ZNF544: variants seen among roughly 807,000 people sequenced by gnomAD.
ZNF544 encodes zinc finger protein 544.
A neutral mutation model predicts 13.5 loss-of-function variants in ZNF544; 10 were observed. The ratio of observed to expected loss-of-function variants is 0.74; its 90% CI spans 0.46 to 1.25. The LOEUF (loss-of-function observed/expected upper bound fraction) is 1.25. Among genes scored for constraint, ZNF544 ranks in the 50% most tolerant of loss-of-function variants. ZNF544 has a pLI of 0.00. For missense variants in ZNF544, 896 were observed against 845.6 expected, an observed-to-expected ratio of 1.06 and a Z score of -0.74; for synonymous variants, 323 against 300.5, an observed-to-expected ratio of 1.07 and a Z score of -0.77.
intron 5 of ZNF544, among the ~76,000 whole-genome samples, chr19:58,275,454 C>CT (rs2051139175): frequency 6.6e-6 from 1 of 151,938 alleles, no homozygotes; most frequent in African/African-American, 2.4e-5. Flanking sequence ...CTGACCCACA[C>CT]TTTAAGAACT....
chr19:58,276,392 G>A, exon 6 of ZNF544: 1 of 1,231,660 alleles, frequency 8.1e-7, no homozygotes, highest in Middle Eastern at 3.1e-4. Context: ...CTGGAAGGCT[G>A]CCTGATCCAG....
At chr19:58,270,754 G>T (rs1217488310) in intron 5 of ZNF544, among the ~76,000 whole-genome samples, 4 of 152,166 alleles carry the variant, frequency 2.6e-5, no homozygotes, top group Non-Finnish European at 5.9e-5. Flanking sequence ...AGTAGTAGTG[G>T]AGAGTAGAGG....
intron 6 of ZNF544, among the ~76,000 whole-genome samples, chr19:58,253,641 T>C (rs572610504): frequency 2.7e-4 from 41 of 152,044 alleles, no homozygotes; most frequent in Non-Finnish European, 5.3e-4. Flanking sequence ...GTTTTCACTG[T>C]GTTAGCCAAG....
intron 6 of ZNF544, chr19:58,257,467 A>T (rs548448993): frequency 1.3e-5 from 2 of 152,320 alleles, no homozygotes; most frequent in Non-Finnish European, 2.9e-5. Context: ...GTGGAAGGTG[A>T]CCAAGCAGAG....
intron 6 of ZNF544, among the ~76,000 whole-genome samples, chr19:58,249,218 C>A (rs1351980782): frequency 2.0e-5 from 3 of 152,106 alleles, no homozygotes; most frequent in African/African-American, 7.2e-5. Flanking sequence ...ACCTCATTTC[C>A]CCCCGAAAGA....
rs988171823 is a variant in ZNF544 at position 58,255,278 on chromosome 19, C to T, written c.245-5573C>T. 2.0e-5 allele frequency among the ~76,000 whole-genome samples: 3 copies of T among 152,044 alleles called. No individual in the cohort carries two copies. In the South Asian group the frequency reaches 6.2e-4, roughly 32 times the overall value. Reference sequence around the variant, plus strand: ...GCAACCTCCGCCTCCCGAGTTCAAGCAGTTCTCCTGCCTCAGCCTCCTGAG... The same window carrying T: ...GCAACCTCCGCCTCCCGAGTTCAAGTAGTTCTCCTGCCTCAGCCTCCTGAG... On this transcript the variant is annotated intron_variant, in intron 6 of 6. Transcript: ENST00000687789.
At chr19:58,246,637 G>A (rs1054721273) in intron 5 of ZNF544, 74 bp from the exon 6 acceptor site, 18 of 1,561,300 alleles carry the variant, frequency 1.2e-5, no homozygotes, top group Non-Finnish European at 1.6e-5. Context: ...AGCACTAGGG[G>A]CTGAAGCTTG....
At chr19:58,269,252 T>C (rs1042429932) in intron 5 of ZNF544, among the ~76,000 whole-genome samples, 16 of 150,972 alleles carry the variant, frequency 1.1e-4, no homozygotes, top group African/African-American at 2.2e-4. Flanking sequence ...CTGGCCGACA[T>C]TGTGAAACCT....
Position 58,262,723 on chromosome 19 carries a change from A to G in ZNF544, c.2117A>G (p.His706Arg), listed in dbSNP as rs748807394. ...CGGCAGCAATCTCAACTTGTAGTGCATCGGCGGACACATACTGGAGAGAAA... is the reference window on the plus strand; with the variant it reads ...CGGCAGCAATCTCAACTTGTAGTGCGTCGGCGGACACATACTGGAGAGAAA... ...SFRQQSQLVV[H>R]RRTHTGEKP is the part of the protein sequence containing the mutation. The change falls in exon 7 of 7, where the codon CAT (histidine) becomes CGT (arginine). Residue 706 changes from histidine to arginine, a missense_variant. His to Arg is a conservative substitution (Grantham distance 29). Coordinates refer to ENST00000687789, the MANE Select transcript of ZNF544 (RefSeq NM_014480.4). The G allele has an allele frequency of 6.2e-7, 1 of 1,608,188 alleles. No homozygotes were observed. Among genetic ancestry groups the G allele is most frequent in the Admixed American group, 1.7e-5 (1 of 59,756 alleles).
At chr19:58,240,694 G>A (rs1425874353) in intron 3 of ZNF544, among the ~76,000 whole-genome samples, 4 of 151,690 alleles carry the variant, frequency 2.6e-5, no homozygotes, top group African/African-American at 4.8e-5. Context: ...CCTGGGAGGC[G>A]GAGGTTGCAG....
At chr19:58,273,497 T>G (rs1181111769) in intron 5 of ZNF544, among the ~76,000 whole-genome samples, 1 of 151,882 alleles carries the variant, frequency 6.6e-6, no homozygotes, top group Non-Finnish European at 1.5e-5. Flanking sequence ...GAGACCCGCC[T>G]GGCCAACAGG....
At chr19:58,249,990 T>A (rs530248291) in intron 6 of ZNF544, among the ~76,000 whole-genome samples, 2 of 152,302 alleles carry the variant, frequency 1.3e-5, no homozygotes, top group East Asian at 3.9e-4. Flanking sequence ...TTCATTTGTG[T>A]CTGGCAATTG....
At chr19:58,234,209 C>A (rs1054544194) in intron 3 of ZNF544, among the ~76,000 whole-genome samples, 2 of 152,200 alleles carry the variant, frequency 1.3e-5, no homozygotes, top group African/African-American at 4.8e-5. Flanking sequence ...CTAGCTGTGG[C>A]CCTTGCCTTT....
At chr19:58,239,018 G>A (rs1232470204) in intron 3 of ZNF544, among the ~76,000 whole-genome samples, 6 of 152,294 alleles carry the variant, frequency 3.9e-5, no homozygotes. Flanking sequence ...CTGTTAGTGT[G>A]TCCTGACTGG....
At chr19:58,259,466 A>G (rs550761820) in intron 6 of ZNF544, 1 of 152,174 alleles carries the variant, frequency 6.6e-6, no homozygotes, top group South Asian at 2.1e-4. Flanking sequence ...AAACAATGCA[A>G]ATTTATTCTC....
At position 58,262,533 on chromosome 19, in the gene ZNF544, A is replaced by G. The variant is rs763557842; in HGVS notation, c.1927A>G (p.Arg643Gly). 70 of 1,614,068 alleles carry G rather than the reference A, an allele frequency of 4.3e-5. No homozygotes were observed. In the South Asian group the frequency reaches 7.2e-4, roughly 17 times the overall value. ...CAATCAGTGCAATAAAGCCTTTGCA[A>G]GGAGCTCCTACCTTGTGATGCATCA... The part of the protein sequence containing the change: ...KCNQCNKAFA[R>G]SSYLVMHQRT... Residue 643 changes from arginine (R) to glycine (G), a missense_variant, in exon 7 of 7, where the codon AGG (arginine) becomes GGG (glycine). Arg to Gly is a moderately radical substitution (Grantham distance 125, BLOSUM62 -2). Transcript: ENST00000687789.
chr19:58,266,968 T>G (rs1234614218), downstream of ZNF544: 1 of 152,188 alleles, frequency 6.6e-6, no homozygotes, highest in Non-Finnish European at 1.5e-5. Flanking sequence ...GATAGTCTCT[T>G]CAATATGGGT....
Position 58,246,773 on chromosome 19 carries a change from G to A in ZNF544, c.223G>A (p.Ala75Thr), listed in dbSNP as rs778414408. Reference sequence around the variant, plus strand: ...GGAGCAAGAAGAGGACCTGTGCAGGGCAGAGCAGGAGGCCCCCCGAGGTAA... The same window carrying A: ...GGAGCAAGAAGAGGACCTGTGCAGGACAGAGCAGGAGGCCCCCCGAGGTAA... ...QLEQEEDLCR[A>T]EQEAPRDWKA... is the part of the protein sequence containing the mutation. Residue 75 changes from alanine to threonine, a missense_variant, in exon 6 of 7, where the codon GCA (alanine) becomes ACA (threonine). By Grantham distance (58) the Ala-to-Thr change is moderately conservative. Coordinates refer to ENST00000687789, the MANE Select transcript of ZNF544 (RefSeq NM_014480.4). The A allele has an allele frequency of 6.2e-7, 1 of 1,613,966 alleles. No homozygotes were observed. The highest frequency in any genetic ancestry group is 1.7e-5 in the Admixed American group (1 of 59,998).
At position 58,261,854 on chromosome 19, in the gene ZNF544, C is replaced by T. The variant is rs745601905; in HGVS notation, c.1248C>T (p.Ser416=). The change falls in exon 7 of 7, where the codon TCC becomes TCT. Residue 416 remains serine (S), a synonymous_variant. Coordinates refer to ENST00000687789, the MANE Select transcript of ZNF544 (RefSeq NM_014480.4). ...ATGAGTGTGACCTGTGTGGGAAATC[C>T]TTCACCCAGAGATCCAAACTTATTA... is the stretch of plus-strand genomic sequence containing the variant. ...KPYECDLCGK[S]FTQRSKLITH... The T allele has an allele frequency of 6.2e-7, 1 of 1,613,048 alleles. No homozygotes were observed. The highest frequency in any genetic ancestry group is 1.7e-5 in the Admixed American group (1 of 59,844).
Sources: gnomAD v4.1 joint callset for allele counts (sites outside exome capture counted in the v4.1 genomes callset) on GRCh38, gnomAD v4.1.1 for gene constraint, MANE v1.5 for transcripts, NCBI Gene and HGNC (gene_info 2026-07-23, HGNC 2026-07-21) for gene names.